SCIN: variants seen among roughly 807,000 people sequenced by gnomAD.
SCIN encodes scinderin.
SCIN carries 91 observed loss-of-function variants against 91.8 expected under a neutral mutation model. That is an observed-to-expected ratio of 0.99 (90% CI 0.84 to 1.18). The LOEUF is 1.18. SCIN is among the 50% of genes most tolerant of loss of function. The probability of loss-of-function intolerance (pLI) is 0.00; values close to 1 mark genes in which losing one functional copy is unlikely to be tolerated. For missense variants in SCIN, 1,087 were observed against 863.9 expected (o/e 1.26, Z -3.24); for synonymous variants, 367 against 312.6 (o/e 1.17, Z -1.84).
Position 12,644,668 on chromosome 7 carries a change from G to A in SCIN, c.1844G>A (p.Arg615Gln), listed in dbSNP as rs374795982. 21 of 1,586,646 alleles carry A rather than the reference G, an allele frequency of 1.3e-5. No individual in the cohort carries two copies. In the African/African-American group the frequency reaches 1.6e-4, roughly 12 times the overall value. ...ACCCAGGCTGAAGACCATCCACCTC[G>A]GCTTTACGGCTGCTCTAACAAAACT... ...LETQAEDHPP[R>Q]LYGCSNKTGR... is the part of the protein sequence containing the mutation. The change falls in exon 13 of 16, where the codon CGG becomes CAG. Residue 615 changes from arginine to glutamine, a missense_variant. Arg to Gln is a conservative substitution (Grantham distance 43). Coordinates refer to ENST00000297029, the MANE Select transcript of SCIN (RefSeq NM_001112706.3).
intron 4 of SCIN, among the ~76,000 whole-genome samples, chr7:12,613,625 A>G (rs1438696348): frequency 6.6e-6 from 1 of 152,152 alleles, no homozygotes; most frequent in Non-Finnish European, 1.5e-5. Context: ...AGAGTGTTGG[A>G]ACTGGGTTAT....
intron 1 of SCIN, 155 bp downstream of exon 1, chr7:12,571,140 C>G (rs1782261883): frequency 1.2e-6 from 1 of 818,846 alleles, no homozygotes; most frequent in African/African-American, 1.7e-5. Context: ...CGGCCACTTT[C>G]TCCCTACCGA....
chr7:12,577,425 A>G (rs909502153), intron 1 of SCIN: 16 of 403,406 alleles, frequency 4.0e-5, no homozygotes, highest in African/African-American at 2.3e-4. Context: ...AAATGTTTTC[A>G]TAGTCTGATC....
rs1490283018 is a variant in SCIN, at chr7:12,651,917, G to A, written c.2020+16G>A. The A allele has an allele frequency of 1.3e-5, 20 of 1,581,376 alleles. No individual in the cohort carries two copies. The highest frequency in any genetic ancestry group is 1.6e-5 in the Non-Finnish European group (18 of 1,154,364). ...CTGAAGTCTGGTAAGCTCAATCGAT[G>A]GACCATTATAGCAGTAACCGGGCAC... On this transcript the variant is annotated intron_variant, in intron 15 of 15. Coordinates refer to ENST00000297029, the MANE Select transcript of SCIN (RefSeq NM_001112706.3). The surrounding 1 kb of genome is among the most constrained non-coding windows in gnomAD (Gnocchi z 5.9).
chr7:12,571,270 C>A, intron 1 of SCIN: 1 of 468,602 alleles, frequency 2.1e-6, no homozygotes, highest in South Asian at 2.7e-5. Flanking sequence ...TGGCTTCTTC[C>A]CCTTTCACCG....
chr7:12,612,187 C>T (rs1343298796), intron 4 of SCIN, among the ~76,000 whole-genome samples: 1 of 152,102 alleles, frequency 6.6e-6, no homozygotes, highest in Non-Finnish European at 1.5e-5. Flanking sequence ...GGAAATTGAA[C>T]AATGTCTTAA....
chr7:12,583,295 C>T (rs1782525983), intron 3 of SCIN, among the ~76,000 whole-genome samples: 1 of 152,100 alleles, frequency 6.6e-6, no homozygotes, highest in African/African-American at 2.4e-5. Context: ...ATTTCTGATA[C>T]CACTTTTATC....
chr7:12,590,549 G>A (rs926408398), intron 3 of SCIN, among the ~76,000 whole-genome samples: 1 of 151,922 alleles, frequency 6.6e-6, no homozygotes, highest in Non-Finnish European at 1.5e-5. Context: ...TTTGATTTTT[G>A]ACTATCCAGT....
At chr7:12,576,704 G>C (rs1782379459) in intron 1 of SCIN, among the ~76,000 whole-genome samples, 1 of 144,774 alleles carries the variant, frequency 6.9e-6, no homozygotes, top group African/African-American at 2.6e-5. Context: ...CCTACATCTG[G>C]TCTTTTTCTC....
Position 12,657,332 on chromosome 7 carries a change from T to C in SCIN, c.*4617T>C. The C allele has an allele frequency of 7.0e-6, 1 of 142,194 alleles. No homozygotes were observed. The highest frequency in any genetic ancestry group is 1.5e-5 in the Non-Finnish European group (1 of 66,114). The allele number at this position is 142,194 out of a possible 1,614,324, so 8.8% of individuals were successfully genotyped here. A position where few individuals can be genotyped will look rare whatever the true frequency, so the allele number is the denominator to read the frequency against. On this transcript the variant is annotated 3_prime_UTR_variant, in exon 16 of 16. Coordinates refer to ENST00000297029, the MANE Select transcript of SCIN (RefSeq NM_001112706.3). Reference sequence around the variant, plus strand: ...CCTGGGTTCAAGCAATCCTCCCACCTCAGTCTCCCCAGGAGCTGGGACTCT... The same window carrying C: ...CCTGGGTTCAAGCAATCCTCCCACCCCAGTCTCCCCAGGAGCTGGGACTCT...
chr7:12,584,260 T>C (rs1782543763), intron 3 of SCIN, among the ~76,000 whole-genome samples: 1 of 152,228 alleles, frequency 6.6e-6, no homozygotes. Flanking sequence ...GACAACCTTC[T>C]GCATCAGAGA....
intron 4 of SCIN, among the ~76,000 whole-genome samples, chr7:12,613,103 C>T (rs538294275): frequency 4.3e-4 from 65 of 152,148 alleles, no homozygotes; most frequent in African/African-American, 1.4e-3. Flanking sequence ...CCCCACAAGA[C>T]GTATATCTGA....
chr7:12,640,100 G>C (rs1452605860), intron 10 of SCIN, among the ~76,000 whole-genome samples: 3 of 152,170 alleles, frequency 2.0e-5, no homozygotes, highest in Non-Finnish European at 4.4e-5. Context: ...TTGGAGCATG[G>C]TGATGTTTCC....
intron 13 of SCIN, 101 bp downstream of exon 13, chr7:12,644,806 A>T: frequency 8.6e-7 from 1 of 1,163,718 alleles, no homozygotes; most frequent in East Asian, 2.9e-5. Flanking sequence ...ACCTGAGGTC[A>T]GGAGTTCGAG....
intron 6 of SCIN, 144 bp from the exon 7 acceptor site, chr7:12,625,618 C>T (rs1019793923): frequency 3.2e-6 from 2 of 624,290 alleles, no homozygotes; most frequent in Non-Finnish European, 5.4e-6. Context: ...CGTGAGCCAC[C>T]GCACCCGGCC....
At chr7:12,643,630 C>A (rs563009285) in intron 11 of SCIN, among the ~76,000 whole-genome samples, 1 of 152,316 alleles carries the variant, frequency 6.6e-6, no homozygotes, top group African/African-American at 2.4e-5. Flanking sequence ...TGAAATTCAA[C>A]TCTCCACATC....
intron 9 of SCIN, among the ~76,000 whole-genome samples, chr7:12,629,740 T>C (rs1414257773): frequency 6.6e-6 from 1 of 152,178 alleles, no homozygotes; most frequent in Non-Finnish European, 1.5e-5. Context: ...TCATATTACA[T>C]GGTTTTGCAT....
chr7:12,589,135 G>T (rs114900863), intron 3 of SCIN: 1,769 of 152,234 alleles, frequency 0.012, 22 homozygotes, highest in African/African-American at 0.03. Flanking sequence ...CAGGGCCTAG[G>T]AAGGGCAGTA....
In SCIN at chr7:12,656,757, A is replaced by G. The variant is rs1049113152; in HGVS notation, c.*4042A>G. The G allele has an allele frequency of 2.6e-5, 4 of 152,204 alleles. No individual in the cohort carries two copies. Among genetic ancestry groups the G allele is most frequent in the African/African-American group, 7.2e-5 (3 of 41,420 alleles). The allele number at this position is 152,204 out of a possible 1,614,324, so 9.4% of individuals were successfully genotyped here. The stretch of plus-strand genomic sequence containing the variant: ...ACCAACATAGTGAAACCCCGTCTCT[A>G]CTAAAAATACAAAAAATTAGCTGGG... On this transcript the variant is annotated 3_prime_UTR_variant, in exon 16 of 16. Transcript: ENST00000297029.
Sources: gnomAD v4.1 joint callset for allele counts (sites outside exome capture counted in the v4.1 genomes callset) on GRCh38, gnomAD v4.1.1 for gene constraint, Gnocchi (gnomAD v3.1) non-coding constraint, MANE v1.5 for transcripts, NCBI Gene and HGNC (gene_info 2026-07-23, HGNC 2026-07-21) for gene names.